Variants in FHIT observed in about 807,000 individuals in gnomAD.
FHIT encodes the protein bis(5'-adenosyl)-triphosphatase.
Under a neutral mutation model 17.9 loss-of-function variants are expected in FHIT, and 19 were observed. That is an observed-to-expected ratio of 1.06 (90% CI 0.74 to 1.56). The LOEUF (loss-of-function observed/expected upper bound fraction) is 1.56. Ranked by LOEUF, FHIT falls within the 40% of genes most tolerant of loss-of-function variation. FHIT has a pLI of 0.00. For synonymous variants in FHIT, 81 were observed against 69.7 expected, an observed-to-expected ratio of 1.16 and a Z score of -0.81; for missense variants, 248 against 189.2, an observed-to-expected ratio of 1.31 and a Z score of -1.82.
chr3:60,642,475 C>G (rs1175791839), intron 4 of FHIT, among the ~76,000 whole-genome samples: 2 of 151,864 alleles, frequency 1.3e-5, no homozygotes, highest in Non-Finnish European at 2.9e-5. Context: ...GATTCTTTAC[C>G]CACACACACA....
chr3:60,126,542 T>G (rs767153724), intron 5 of FHIT, among the ~76,000 whole-genome samples: 1 of 152,214 alleles, frequency 6.6e-6, no homozygotes, highest in Admixed American at 6.5e-5. Flanking sequence ...AGAAGTTGTA[T>G]ACCTGAGGTT....
intron 5 of FHIT, among the ~76,000 whole-genome samples, chr3:60,132,361 C>G (rs1275085295): frequency 1.3e-5 from 2 of 152,114 alleles, no homozygotes; most frequent in Non-Finnish European, 2.9e-5. Flanking sequence ...TAGATGGTCA[C>G]TAGTTATGTA....
At chr3:60,743,783 TCCAGGGGA>T (rs2042285638) in intron 4 of FHIT, among the ~76,000 whole-genome samples, 2 of 151,964 alleles carry the variant, frequency 1.3e-5, no homozygotes, top group Non-Finnish European at 2.9e-5. Context: ...AGGACACAGG[TCCAGGGGA>T]CCAGAACTGA....
At position 60,469,972 on chromosome 3, in the gene FHIT, A is replaced by G. The variant is rs189732364; in HGVS notation, c.103+66888T>C. Among the ~76,000 whole-genome samples the G allele has an allele frequency of 1.9e-4, 29 of 151,194 alleles. No homozygotes were observed. The East Asian group carries it at 4.9e-3, about 26-fold the overall frequency. On this transcript the variant is annotated intron_variant, in intron 5 of 9. Transcript: ENST00000492590. Reference sequence around the variant, plus strand: ...GAATTCCCTGGATTACCAGGCAGAGACTCTTGTTCTCATCCCTTACTTCCC... The same window carrying G: ...GAATTCCCTGGATTACCAGGCAGAGGCTCTTGTTCTCATCCCTTACTTCCC...
intron 3 of FHIT, among the ~76,000 whole-genome samples, chr3:61,041,620 G>A (rs565660487): frequency 1.3e-4 from 20 of 149,756 alleles, no homozygotes; most frequent in East Asian, 3.9e-4. Context: ...TCCTCCTTAC[G>A]AAGATAGAAA....
chr3:61,125,251 G>T (rs1169660590), intron 2 of FHIT, among the ~76,000 whole-genome samples: 1 of 152,212 alleles, frequency 6.6e-6, no homozygotes, highest in South Asian at 2.1e-4. Flanking sequence ...TTGAGTACAT[G>T]AACAAGTTTG....
chr3:60,250,038 C>G (rs1705614553), intron 5 of FHIT, among the ~76,000 whole-genome samples: 1 of 152,080 alleles, frequency 6.6e-6, no homozygotes, highest in Admixed American at 6.6e-5. Flanking sequence ...TGTCCCTGCT[C>G]TTGACACATG....
chr3:60,766,823 G>A lies in FHIT; in HGVS notation c.-18+55096C>T, dbSNP rs558418940. The stretch of plus-strand genomic sequence containing the variant: ...TACTGGGCTAGGTAGTAGGAACACA[G>A]AGATAAGCAAGACAAGATCCTTATC... On this transcript the variant is annotated intron_variant, in intron 4 of 9. Coordinates refer to ENST00000492590, the MANE Select transcript of FHIT (RefSeq NM_002012.4). Among the ~76,000 whole-genome samples, 15 of 152,290 alleles carry A rather than the reference G, an allele frequency of 9.8e-5. No homozygotes were observed. In the South Asian group the frequency reaches 1.5e-3, roughly 15 times the overall value.
At chr3:60,101,972 C>T (rs866686969) in intron 5 of FHIT, among the ~76,000 whole-genome samples, 10 of 152,214 alleles carry the variant, frequency 6.6e-5, no homozygotes, top group Non-Finnish European at 1.2e-4. Flanking sequence ...GCTCAAGGAT[C>T]AGTTTAATTG....
At chr3:59,986,517 A>ACATT (rs1559523383) in intron 7 of FHIT, among the ~76,000 whole-genome samples, 1,265 of 7,898 alleles carry the variant, frequency 0.16, 66 homozygotes, top group Admixed American at 0.19. Context: ...ATATATATAT[A>ACATT]TATATATATA....
intron 3 of FHIT, among the ~76,000 whole-genome samples, chr3:61,019,896 G>T (rs2107642961): frequency 6.6e-6 from 1 of 152,084 alleles, no homozygotes; most frequent in Middle Eastern, 3.4e-3. Context: ...TTTAAGTTCT[G>T]GGATACATGT....
At chr3:60,926,920 A>T (rs7639157) in intron 3 of FHIT, among the ~76,000 whole-genome samples, 90,899 of 151,948 alleles carry the variant, frequency 0.6, 27,459 homozygotes, top group African/African-American at 0.67. Context: ...CAGAATACTA[A>T]AAACACCTCT....
chr3:59,982,380 A>T (rs1284082599), intron 7 of FHIT, among the ~76,000 whole-genome samples: 1 of 152,154 alleles, frequency 6.6e-6, no homozygotes, highest in Admixed American at 6.6e-5. Flanking sequence ...AAGAAAAAAA[A>T]AATTAATTTG....
At chr3:60,420,983 C>G (rs1340020317) in intron 5 of FHIT, among the ~76,000 whole-genome samples, 3 of 151,974 alleles carry the variant, frequency 2.0e-5, no homozygotes, top group Non-Finnish European at 4.4e-5. Flanking sequence ...CTCCTCCTCA[C>G]CAGTTATCAC....
chr3:60,005,787 C>A (rs1699900913), intron 7 of FHIT, among the ~76,000 whole-genome samples: 1 of 152,168 alleles, frequency 6.6e-6, no homozygotes, highest in Admixed American at 6.6e-5. Context: ...TCACATCTCT[C>A]TTGGAGTGTC....
At chr3:60,142,522 G>C (rs1469134292) in intron 5 of FHIT, among the ~76,000 whole-genome samples, 1 of 152,030 alleles carries the variant, frequency 6.6e-6, no homozygotes, top group East Asian at 1.9e-4. Context: ...TTTTACAAAG[G>C]GTTTCTCAGT....
At chr3:60,798,226 C>T (rs1039480080) in intron 4 of FHIT, among the ~76,000 whole-genome samples, 14 of 151,230 alleles carry the variant, frequency 9.3e-5, no homozygotes, top group Non-Finnish European at 1.8e-4. Flanking sequence ...CAAAAAGTAT[C>T]TTAAAAAAAA....
chr3:60,564,840 A>T (rs575855194), intron 4 of FHIT, among the ~76,000 whole-genome samples: 15 of 152,224 alleles, frequency 9.9e-5, no homozygotes, highest in Non-Finnish European at 1.9e-4. Context: ...TTGGACCATT[A>T]TACCAACTTG....
chr3:60,338,758 G>A (rs1360975880), intron 5 of FHIT, among the ~76,000 whole-genome samples: 1 of 152,132 alleles, frequency 6.6e-6, no homozygotes, highest in Non-Finnish European at 1.5e-5. Flanking sequence ...TACTGTGATG[G>A]GGAATAAACT....
Sources: allele counts gnomAD v4.1 joint callset (sites outside exome capture counted in the v4.1 genomes callset), GRCh38; gene constraint gnomAD v4.1.1; transcripts MANE v1.5; gene names NCBI Gene and HGNC (gene_info 2026-07-23, HGNC 2026-07-21).